The following ERBB2 variants were observed in gnomAD, a reference collection of about 807,000 sequenced individuals.
ERBB2 encodes the protein receptor tyrosine-protein kinase erbB-2.
Under a neutral mutation model 149.0 loss-of-function variants are expected in ERBB2, and 61 were observed. That is an observed-to-expected ratio of 0.41 (90% CI 0.33 to 0.51). ERBB2 has a LOEUF of 0.51. ERBB2 is among the 20% of genes least tolerant of loss of function. The pLI is 0.25. For missense variants in ERBB2, 1,205 were observed against 1,655.1 expected, an observed-to-expected ratio of 0.73 and a Z score of 4.72; for synonymous variants, 633 against 678.8, an observed-to-expected ratio of 0.93 and a Z score of 1.05.
intron 15 of ERBB2, among the ~76,000 whole-genome samples, chr17:39,718,337 G>A (rs182227916): frequency 2.2e-3 from 330 of 152,214 alleles, no homozygotes; most frequent in Middle Eastern, 0.02. Context: ...CAAAGCCAAC[G>A]TGCCCTTTCA....
upstream of ERBB2, among the ~76,000 whole-genome samples, chr17:39,693,964 T>C (rs1294673646): frequency 6.7e-6 from 1 of 148,746 alleles, no homozygotes; most frequent in Non-Finnish European, 1.5e-5. Context: ...GGTGGGCAGA[T>C]CACCTGAGGT....
upstream of ERBB2, among the ~76,000 whole-genome samples, chr17:39,693,889 A>G (rs923023624): frequency 4.7e-5 from 7 of 150,232 alleles, no homozygotes; most frequent in South Asian, 4.2e-4. Context: ...AGGAGTCTCA[A>G]TTAAAAAATA....
At chr17:39,693,656 G>C (rs1035693989), upstream of ERBB2, among the ~76,000 whole-genome samples, 2 of 151,978 alleles carry the variant, frequency 1.3e-5, no homozygotes, top group African/African-American at 4.8e-5. Flanking sequence ...TACTCAGGAG[G>C]CTGAGGCAGG....
rs61737967 is a variant in ERBB2 at position 39,715,842 on chromosome 17, C to T, written c.1416C>T (p.Thr472=). 1.3e-4 allele frequency: 217 copies of T among 1,612,432 alleles called. No individual in the cohort carries two copies. In the African/African-American group the frequency reaches 2.5e-3, roughly 19 times the overall value. The change falls in exon 12 of 27, where the codon ACC becomes ACT. Residue 472 remains threonine (T), a synonymous_variant. Coordinates refer to ENST00000269571, the MANE Select transcript of ERBB2 (RefSeq NM_004448.4). Reference sequence around the variant, plus strand: ...GACTGGCCCTCATCCACCATAACACCCACCTCTGCTTCGTGCACACGGTGC... The same window carrying T: ...GACTGGCCCTCATCCACCATAACACTCACCTCTGCTTCGTGCACACGGTGC... ...GSGLALIHHN[T]HLCFVHTVPW...
At position 39,708,459 on chromosome 17, in the gene ERBB2, C is replaced by T. The variant is rs141135746; in HGVS notation, c.364C>T (p.Pro122Ser). The T allele has an allele frequency of 1.2e-6, 2 of 1,614,194 alleles. No homozygotes were observed. Among genetic ancestry groups the T allele is most frequent in the South Asian group, 1.1e-5 (1 of 91,078 alleles). ...CCTGGCCGTGCTAGACAATGGAGAC[C>T]CGCTGAACAATACCACCCCTGTCAC... The part of the protein sequence containing the change: ...YALAVLDNGD[P>S]LNNTTPVTGA... The change falls in exon 3 of 27, where the codon CCG (proline) becomes TCG (serine). Residue 122 changes from proline (P) to serine (S), a missense_variant. This residue lies in a region of ERBB2 where 569 missense variants were observed against 803.5 expected (regional missense o/e 0.71). Coordinates refer to ENST00000269571, the MANE Select transcript of ERBB2 (RefSeq NM_004448.4).
At chr17:39,719,730 AGGTGGTTCCCAAGAG>A in intron 15 of ERBB2, 42 bp from the exon 16 acceptor site, 2 of 1,567,400 alleles carry the variant, frequency 1.3e-6, no homozygotes, top group Non-Finnish European at 1.8e-6. Flanking sequence ...GAGGCTGGAA[AGGTGGTTCCCAAGAG>A]GGTGGTTCCC....
At chr17:39,693,765 AAATAATAATAAT>A (rs71355408), upstream of ERBB2, among the ~76,000 whole-genome samples, 178 of 143,440 alleles carry the variant, frequency 1.2e-3, no homozygotes, top group African/African-American at 3.8e-3. Context: ...CTCGAAAATA[AAATAATAATAAT>A]AATAATAATA....
upstream of ERBB2, chr17:39,695,149 A>T (rs1243803134): frequency 6.6e-6 from 1 of 152,584 alleles, no homozygotes; most frequent in Non-Finnish European, 1.5e-5. Flanking sequence ...GATGAGAGTG[A>T]CATGTACTGT....
chr17:39,709,288 AG>A (rs1310685584), intron 3 of ERBB2, 29 bp from the exon 4 acceptor site: 6 of 1,612,788 alleles, frequency 3.7e-6, no homozygotes, highest in Non-Finnish European at 4.2e-6. Flanking sequence ...AGAAGGGGAA[AG>A]GGTCCTCTGA....
rs964648236 is a variant in ERBB2, at chr17:39,723,741, A to G, written c.2208+81A>G. 5 of 1,547,490 alleles carry G rather than the reference A, an allele frequency of 3.2e-6. No individual in the cohort carries two copies. The highest frequency in any genetic ancestry group is 1.9e-5 in the Admixed American group (1 of 51,552). On this transcript the variant is annotated intron_variant, in intron 18 of 26. Coordinates refer to ENST00000269571, the MANE Select transcript of ERBB2 (RefSeq NM_004448.4). This position sits in a 1 kb window ranked among gnomAD's most constrained non-coding sequence, Gnocchi z 6.2. ...GGGTGTGGTCGGCAGTTCTGATGGG[A>G]GGGGCAAGAGCTGGAGGCAGTGTTT...
chr17:39,723,685 C>A lies in ERBB2; in HGVS notation c.2208+25C>A, dbSNP rs2145818154. On this transcript the variant is annotated intron_variant, in intron 18 of 26. Transcript: ENST00000269571. The surrounding 1 kb of genome is among the most constrained non-coding windows in gnomAD (Gnocchi z 6.2). ...GGTCAGGGCCAGGTCCTGGGGTGGG[C>A]GGCCCCAGAGGATGGGGGCGGTGCC... 1 of 1,591,828 alleles carries A rather than the reference C, an allele frequency of 6.3e-7. No individual in the cohort carries two copies. Among genetic ancestry groups the A allele is most frequent in the Non-Finnish European group, 8.6e-7 (1 of 1,169,196 alleles).
Position 39,723,244 on chromosome 17 carries a change from T to G in ERBB2, c.1947-75T>G, listed in dbSNP as rs2059545667. 17 of 1,468,998 alleles carry G rather than the reference T, an allele frequency of 1.2e-5. No individual in the cohort carries two copies. Among genetic ancestry groups the G allele is most frequent in the Non-Finnish European group, 1.6e-5 (17 of 1,062,962 alleles). 91.0% of individuals were successfully genotyped at this position (1,468,998 alleles called of 1,614,324 possible). A position where few individuals can be genotyped will look rare whatever the true frequency, so the allele number is the denominator to read the frequency against. On this transcript the variant is annotated intron_variant, in intron 16 of 26. Coordinates refer to ENST00000269571, the MANE Select transcript of ERBB2 (RefSeq NM_004448.4). The surrounding 1 kb of genome is among the most constrained non-coding windows in gnomAD (Gnocchi z 6.2). The stretch of plus-strand genomic sequence containing the variant: ...CCTTTCCGAATGCCAAACACCTTCA[T>G]GTCCCCCGTGGGCCCCCTTTGTCCC...
chr17:39,700,211 C>A lies in ERBB2; in HGVS notation c.-28C>A. On this transcript the variant is annotated 5_prime_UTR_variant, in exon 1 of 27. Transcript: ENST00000269571. The stretch of plus-strand genomic sequence containing the variant: ...CCCTCCCAGCCGGGTCCAGCCGGAG[C>A]CATGGGGCCGGAGCCGCAGTGAGCA... 7.0e-7 allele frequency: 1 copy of A among 1,428,348 alleles called. No individual in the cohort carries two copies. The allele number at this position is 1,428,348 out of a possible 1,614,324, so 88.5% of individuals were successfully genotyped here.
chr17:39,719,943 C>T, intron 16 of ERBB2, 109 bp downstream of exon 16: 1 of 976,544 alleles, frequency 1.0e-6, no homozygotes, highest in Non-Finnish European at 1.6e-6. Context: ...CCCTTCCCAC[C>T]CACTCTTCCA....
intron 16 of ERBB2, 69 bp downstream of exon 16, chr17:39,719,903 G>T: frequency 6.7e-7 from 1 of 1,482,436 alleles, no homozygotes; most frequent in South Asian, 1.1e-5. Context: ...GGTGGTCACT[G>T]CTGTAGGGAG....
chr17:39,727,739 G>C lies in ERBB2; in HGVS notation c.3463G>C (p.Gly1155Arg), dbSNP rs751372943. The C allele has an allele frequency of 6.3e-7, 1 of 1,589,324 alleles. No individual in the cohort carries two copies. The highest frequency in any genetic ancestry group is 8.6e-7 in the Non-Finnish European group (1 of 1,165,808). Residue 1155 changes from glycine (G) to arginine (R), a missense_variant, in exon 27 of 27, where the codon GGC becomes CGC. Coordinates refer to ENST00000269571, the MANE Select transcript of ERBB2 (RefSeq NM_004448.4). The surrounding 1 kb of genome is among the most constrained non-coding windows in gnomAD (Gnocchi z 4.3). ...VRPQPPSPRE[G>R]PLPAARPAGA... ...GCCCCAGCCCCCTTCGCCCCGAGAG[G>C]GCCCTCTGCCTGCTGCCCGACCTGC...
upstream of ERBB2, among the ~76,000 whole-genome samples, chr17:39,694,276 T>C (rs1343447431): frequency 3.7e-5 from 2 of 53,494 alleles, no homozygotes; most frequent in Non-Finnish European, 8.5e-5. Flanking sequence ...TATGTGTGTA[T>C]ATATATATAT....
chr17:39,726,371 A>T lies in ERBB2; in HGVS notation c.2873-191A>T. 1 of 575,698 alleles carries T rather than the reference A, an allele frequency of 1.7e-6. No individual in the cohort carries two copies. Among genetic ancestry groups the T allele is most frequent in the East Asian group, 2.8e-5 (1 of 35,656 alleles). 35.7% of individuals were successfully genotyped at this position (575,698 alleles called of 1,614,324 possible). On this transcript the variant is annotated intron_variant, in intron 23 of 26. Coordinates refer to ENST00000269571, the MANE Select transcript of ERBB2 (RefSeq NM_004448.4). This position sits in a 1 kb window ranked among gnomAD's most constrained non-coding sequence, Gnocchi z 5.1. ...AGCAAACAAAAAGAAAAAAAAAATT[A>T]AAAGGGAAACTAGAAGAGATGCCAA... is the stretch of plus-strand genomic sequence containing the variant.
chr17:39,694,126 G>A (rs1319141142), upstream of ERBB2, among the ~76,000 whole-genome samples: 1 of 137,988 alleles, frequency 7.2e-6, no homozygotes, highest in African/African-American at 2.7e-5. Context: ...TCCGGGACAC[G>A]GAGGTTGCAG....
Sources: allele counts gnomAD v4.1 joint callset (sites outside exome capture counted in the v4.1 genomes callset), GRCh38; gene constraint gnomAD v4.1.1; regional missense constraint gnomAD v4.1.1; non-coding constraint Gnocchi (gnomAD v3.1); transcripts MANE v1.5; gene names NCBI Gene and HGNC (gene_info 2026-07-23, HGNC 2026-07-21).